ADGRE2: variants seen among roughly 807,000 people sequenced by gnomAD.
ADGRE2 encodes adhesion G protein-coupled receptor E2, also known as CD97 antigen.
In ADGRE2, 83 loss-of-function variants were observed where a neutral mutation model predicts 100.8. The observed-to-expected ratio is 0.82, with a 90% CI of 0.69 to 0.99. ADGRE2 has a LOEUF of 0.99. Ranked by LOEUF, ADGRE2 falls within the 50% of genes least tolerant of loss-of-function variation. The pLI is 0.00. For missense variants in ADGRE2, 814 were observed against 1,035.7 expected, an observed-to-expected ratio of 0.79 and a Z score of 2.94; for synonymous variants, 355 against 413.0, an observed-to-expected ratio of 0.86 and a Z score of 1.70.
At chr19:14,740,159 G>C (rs16979807) in intron 20 of ADGRE2, among the ~76,000 whole-genome samples, 12,726 of 151,576 alleles carry the variant, frequency 0.084, 1,842 homozygotes, top group African/African-American at 0.29. Context: ...AAGGTGGATG[G>C]TCATGTTTGG....
chr19:14,761,073 T>A (rs1006508756), intron 11 of ADGRE2, among the ~76,000 whole-genome samples: 5 of 152,204 alleles, frequency 3.3e-5, no homozygotes, highest in Admixed American at 1.3e-4. Context: ...CTTAAACATA[T>A]TTGATTGATG....
chr19:14,765,959 G>C, intron 7 of ADGRE2, 155 bp from the exon 8 acceptor site: 1 of 887,762 alleles, frequency 1.1e-6, no homozygotes, highest in Non-Finnish European at 1.8e-6. Context: ...GGCACAGCAG[G>C]TGGGCCCCGT....
intron 15 of ADGRE2, 126 bp from the exon 16 acceptor site, chr19:14,751,797 T>C: frequency 1.4e-6 from 1 of 695,408 alleles, no homozygotes; most frequent in Non-Finnish European, 2.4e-6. Context: ...ATATTTGCTG[T>C]GTAGTTGAGT....
chr19:14,742,008 A>G (rs545845104), intron 20 of ADGRE2: 109 of 398,464 alleles, frequency 2.7e-4, no homozygotes, highest in African/African-American at 1.8e-3. Flanking sequence ...GTGATCCCCA[A>G]GTTGTCCCGG....
chr19:14,739,184 G>A (rs1165159187), intron 20 of ADGRE2, among the ~76,000 whole-genome samples: 1 of 152,002 alleles, frequency 6.6e-6, no homozygotes, highest in Non-Finnish European at 1.5e-5. Context: ...TGGCCAGGCT[G>A]GTCTCGAACT....
chr19:14,767,405 A>T (rs1599868420), intron 5 of ADGRE2, among the ~76,000 whole-genome samples: 1 of 151,812 alleles, frequency 6.6e-6, no homozygotes, highest in East Asian at 1.9e-4. Flanking sequence ...TGCCCGGCTA[A>T]TTTTTTGTAT....
intron 16 of ADGRE2, 49 bp from the exon 17 acceptor site, chr19:14,747,011 AAC>A: frequency 6.7e-7 from 1 of 1,487,472 alleles, no homozygotes; most frequent in Admixed American, 1.8e-5. Flanking sequence ...GGAGATATGG[AAC>A]AGTTATGTAA....
Position 14,751,438 on chromosome 19 carries a change from G to A in ADGRE2, c.2022C>T (p.Ser674=), listed in dbSNP as rs753569390. 1 of 1,611,994 alleles carries A rather than the reference G, an allele frequency of 6.2e-7. No individual in the cohort carries two copies. The highest frequency in any genetic ancestry group is 8.5e-7 in the Non-Finnish European group (1 of 1,178,060). The change falls in exon 16 of 21, where the codon TCC becomes TCT. Residue 674 remains serine (S), a splice_region_variant and synonymous_variant. Coordinates refer to ENST00000315576, the MANE Select transcript of ADGRE2 (RefSeq NM_013447.4). Reference sequence around the variant, plus strand: ...GGATTGTGAGAATTTGCACTAACCGGGAAGGTGTTCCATAAAGGTGAGGCC... The same window carrying A: ...GGATTGTGAGAATTTGCACTAACCGAGAAGGTGTTCCATAAAGGTGAGGCC... ...ASRPHLYGTP[S]RCWLQPEKGF...
chr19:14,773,718 C>G (rs562705069), intron 4 of ADGRE2, among the ~76,000 whole-genome samples: 2 of 151,742 alleles, frequency 1.3e-5, no homozygotes, highest in Admixed American at 6.6e-5. Flanking sequence ...CACCATGTTG[C>G]CCAGGCTGGT....
chr19:14,728,027 C>A (rs917070024), downstream of ADGRE2, among the ~76,000 whole-genome samples: 5 of 152,164 alleles, frequency 3.3e-5, no homozygotes, highest in African/African-American at 1.2e-4. Flanking sequence ...TCGAGACCAT[C>A]CTGGCTAACA....
chr19:14,774,286 G>T lies in ADGRE2; in HGVS notation c.52C>A (p.Leu18Met), dbSNP rs772958515. The change falls in exon 3 of 21, where the codon CTG (leucine) becomes ATG (methionine). Residue 18 changes from leucine (L) to methionine (M), a missense_variant. Physicochemically the swap from Leu to Met is conservative, Grantham distance 15 (BLOSUM62 2). Transcript: ENST00000315576. The stretch of plus-strand genomic sequence containing the variant: ...GAGTCCTGGGTTTCAGCTCCCGGCA[G>T]AGTCAGCCAGACACAGAATGCTGCA... ...VFLAFCVWLT[L>M]PGAETQDSRG... 3 of 1,585,220 alleles carry T rather than the reference G, an allele frequency of 1.9e-6. No homozygotes were observed. Among genetic ancestry groups the T allele is most frequent in the Non-Finnish European group, 2.6e-6 (3 of 1,162,586 alleles).
chr19:14,739,513 G>C (rs1304484254), intron 20 of ADGRE2, among the ~76,000 whole-genome samples: 1 of 152,060 alleles, frequency 6.6e-6, no homozygotes, highest in Non-Finnish European at 1.5e-5. Context: ...TGGCTGTGTG[G>C]GGTGAAAGGG....
Position 14,770,679 on chromosome 19 carries a change from T to TCTTTC in ADGRE2, c.355+1662_355+1663insGAAAG, listed in dbSNP as rs1284514083. 2.3e-4 allele frequency among the ~76,000 whole-genome samples: 28 copies of TCTTTC among 120,282 alleles called. 2 individuals carry two copies. The highest frequency in any genetic ancestry group is 4.1e-4 in the African/African-American group (13 of 31,626). The allele number at this position is 120,282 out of a possible 152,430, so 78.9% of individuals were successfully genotyped here. On this transcript the variant is annotated intron_variant, in intron 5 of 20. Transcript: ENST00000315576. ...TTGTTTCTTTCTTTTCTTTTTTTTT[T>TCTTTC]TTTTTTTTTTTTTTTTTTGAGACAA...
chr19:14,757,347 A>G (rs2043537048), intron 11 of ADGRE2, among the ~76,000 whole-genome samples: 1 of 152,180 alleles, frequency 6.6e-6, no homozygotes, highest in Non-Finnish European at 1.5e-5. Flanking sequence ...ATTTTAGCCT[A>G]TTATTACTTT....
intron 16 of ADGRE2, among the ~76,000 whole-genome samples, chr19:14,751,106 C>G (rs1033353695): frequency 1.3e-5 from 2 of 152,170 alleles, no homozygotes; most frequent in Non-Finnish European, 2.9e-5. Flanking sequence ...AGCCACTGAG[C>G]CTGACCCTCC....
chr19:14,736,595 C>T (rs2042750093), intron 20 of ADGRE2, among the ~76,000 whole-genome samples: 1 of 146,522 alleles, frequency 6.8e-6, no homozygotes, highest in South Asian at 2.1e-4. Context: ...TATTTAGAAA[C>T]ATAGATATAT....
At chr19:14,743,382 C>T (rs763943686) in intron 20 of ADGRE2, 38 bp downstream of exon 20, 33 of 1,542,016 alleles carry the variant, frequency 2.1e-5, no homozygotes, top group Middle Eastern at 3.4e-4. Context: ...TCAGGTGGGT[C>T]GGTTAGTGAA....
intron 15 of ADGRE2, among the ~76,000 whole-genome samples, chr19:14,751,936 T>A (rs1410008375): frequency 9.1e-3 from 350 of 38,504 alleles, no homozygotes; most frequent in African/African-American, 0.037. Flanking sequence ...TATATATTTT[T>A]TTTTTTTTTT....
At chr19:14,724,876 T>C in the ADGRE2 span, among the ~76,000 whole-genome samples, 1 of 152,252 alleles carries the variant, frequency 6.6e-6, no homozygotes, top group African/African-American at 2.4e-5. Flanking sequence ...GAGCACCTAT[T>C]TGGTGCTGTA....
Sources: gnomAD v4.1 joint callset for allele counts (sites outside exome capture counted in the v4.1 genomes callset) on GRCh38, gnomAD v4.1.1 for gene constraint, MANE v1.5 for transcripts, NCBI Gene and HGNC (gene_info 2026-07-23, HGNC 2026-07-21) for gene names.